Variants in ALK observed in about 807,000 individuals in gnomAD.
ALK encodes ALK tyrosine kinase receptor.
ALK carries 74 observed loss-of-function variants against 163.1 expected under a neutral mutation model. The ratio of observed to expected loss-of-function variants is 0.45; its 90% confidence interval spans 0.38 to 0.55. The LOEUF is 0.55. ALK is among the 20% of genes least tolerant of loss of function. The pLI is 0.00. For missense variants in ALK, 2,063 were observed against 2,105.3 expected, an observed-to-expected ratio of 0.98 and a Z score of 0.39; for synonymous variants, 960 against 843.2, an observed-to-expected ratio of 1.14 and a Z score of -2.40.
chr2:29,730,493 C>T (rs555431602), intron 1 of ALK, among the ~76,000 whole-genome samples: 2 of 152,232 alleles, frequency 1.3e-5, no homozygotes. Flanking sequence ...GGATAGAGTT[C>T]TATCTCTGTG....
chr2:29,345,577 A>C (rs1167944747), intron 5 of ALK, among the ~76,000 whole-genome samples: 1 of 152,092 alleles, frequency 6.6e-6, no homozygotes, highest in Non-Finnish European at 1.5e-5. Context: ...AAGAACCTTA[A>C]AAACTTTGTA....
intron 3 of ALK, among the ~76,000 whole-genome samples, chr2:29,675,821 G>A (rs1327321002): frequency 1.3e-5 from 2 of 151,982 alleles, no homozygotes; most frequent in African/African-American, 4.8e-5. Flanking sequence ...TATGTGCAAT[G>A]TGAGCTTTAG....
intron 2 of ALK, among the ~76,000 whole-genome samples, chr2:29,711,155 A>C (rs1401307981): frequency 6.6e-6 from 1 of 152,116 alleles, no homozygotes. Flanking sequence ...CCTATGCCTC[A>C]TATGTAGGAC....
chr2:29,813,857 A>G (rs1664821308), intron 1 of ALK, among the ~76,000 whole-genome samples: 1 of 152,244 alleles, frequency 6.6e-6, no homozygotes, highest in Non-Finnish European at 1.5e-5. Flanking sequence ...TCTATCATTC[A>G]TATCCAGAAT....
At chr2:29,742,152 G>A (rs916668530) in intron 1 of ALK, among the ~76,000 whole-genome samples, 1 of 152,256 alleles carries the variant, frequency 6.6e-6, no homozygotes, top group Non-Finnish European at 1.5e-5. Context: ...AGTGAACAGG[G>A]CAGGGAGGTT....
intron 4 of ALK, among the ~76,000 whole-genome samples, chr2:29,430,005 A>G (rs146405241): frequency 3.1e-4 from 47 of 152,278 alleles, no homozygotes; most frequent in African/African-American, 1.1e-3. Flanking sequence ...GGCATATCCA[A>G]TGCAAAATGA....
chr2:29,890,487 G>A (rs1170800903), intron 1 of ALK: 1 of 152,186 alleles, frequency 6.6e-6, no homozygotes, highest in Non-Finnish European at 1.5e-5. Context: ...ACATTTTAGG[G>A]GACAGGATTG....
At chr2:29,887,316 G>C (rs72794335) in intron 1 of ALK, among the ~76,000 whole-genome samples, 1 of 152,130 alleles carries the variant, frequency 6.6e-6, no homozygotes, top group Non-Finnish European at 1.5e-5. Context: ...GGAAGTCTGG[G>C]CTTAGCTGGG....
At chr2:29,428,202 C>T (rs753242030) in intron 4 of ALK, among the ~76,000 whole-genome samples, 12 of 151,866 alleles carry the variant, frequency 7.9e-5, no homozygotes, top group Non-Finnish European at 1.3e-4. Context: ...AATAACCTCA[C>T]CACCCACCTT....
At chr2:29,703,335 T>A (rs1678803847) in intron 2 of ALK, among the ~76,000 whole-genome samples, 1 of 152,256 alleles carries the variant, frequency 6.6e-6, no homozygotes, top group Admixed American at 6.5e-5. Context: ...TCTTTTCCCA[T>A]ATGTCTATGG....
chr2:29,206,264 T>TTC (rs1382263460), intron 26 of ALK, among the ~76,000 whole-genome samples: 1 of 149,156 alleles, frequency 6.7e-6, no homozygotes, highest in Non-Finnish European at 1.5e-5. Flanking sequence ...CTTTCTTTCT[T>TTC]TCTCTCTCTC....
chr2:29,895,623 A>G (rs1667249911), intron 1 of ALK, among the ~76,000 whole-genome samples: 1 of 152,220 alleles, frequency 6.6e-6, no homozygotes, highest in South Asian at 2.1e-4. Context: ...TGAGTGTTGC[A>G]TGATTGGCCA....
intron 6 of ALK, among the ~76,000 whole-genome samples, chr2:29,325,602 C>G (rs1471633432): frequency 6.6e-6 from 1 of 152,196 alleles, no homozygotes; most frequent in Non-Finnish European, 1.5e-5. Flanking sequence ...CTTATCATAG[C>G]TAAGTGCTGG....
intron 1 of ALK, among the ~76,000 whole-genome samples, chr2:29,865,964 G>C (rs972081912): frequency 1.3e-5 from 2 of 152,178 alleles, no homozygotes; most frequent in South Asian, 2.1e-4. Context: ...TCTGGGGATA[G>C]GGGCAGTATG....
chr2:29,548,667 T>C (rs1463437589), intron 3 of ALK, among the ~76,000 whole-genome samples: 1 of 152,168 alleles, frequency 6.6e-6, no homozygotes, highest in Non-Finnish European at 1.5e-5. Context: ...CCGCCTGTCT[T>C]GGGCCGGGGC....
chr2:29,766,496 C>T lies in ALK; in HGVS notation c.668-48799G>A, dbSNP rs17008647. Among the ~76,000 whole-genome samples the T allele has an allele frequency of 9.9e-3, 1,503 of 152,310 alleles. 28 individuals carry two copies. The highest frequency in any genetic ancestry group is 0.034 in the African/African-American group (1,401 of 41,554). On this transcript the variant is annotated intron_variant, in intron 1 of 28. Transcript: ENST00000389048. ...GAAACCTCCTTCTCTTCCCCACCAC[C>T]TCCTGTTCATTCATCAAGACATACC... is the stretch of plus-strand genomic sequence containing the variant.
At chr2:29,232,912 A>C (rs2148183906) in intron 14 of ALK, among the ~76,000 whole-genome samples, 1 of 152,316 alleles carries the variant, frequency 6.6e-6, no homozygotes, top group East Asian at 1.9e-4. Flanking sequence ...AGGACCTAGC[A>C]GGTGGCCTCT....
intron 26 of ALK, among the ~76,000 whole-genome samples, chr2:29,198,568 A>G (rs1408332142): frequency 1.3e-5 from 2 of 152,228 alleles, no homozygotes; most frequent in Non-Finnish European, 2.9e-5. Context: ...TAACTAGATC[A>G]AAAGACTATG....
chr2:29,583,618 C>A (rs964177728), intron 3 of ALK, among the ~76,000 whole-genome samples: 7 of 151,758 alleles, frequency 4.6e-5, no homozygotes, highest in Non-Finnish European at 8.8e-5. Flanking sequence ...ACCATGAGAT[C>A]CCTGCTTCTG....
Sources: gnomAD v4.1 joint callset for allele counts (sites outside exome capture counted in the v4.1 genomes callset) on GRCh38, gnomAD v4.1.1 for gene constraint, MANE v1.5 for transcripts, NCBI Gene and HGNC (gene_info 2026-07-23, HGNC 2026-07-21) for gene names.